Variants in C12orf42 observed in about 807,000 individuals in gnomAD.
C12orf42 encodes uncharacterized protein C12orf42.
Under a neutral mutation model 21.6 loss-of-function variants are expected in C12orf42, and 25 were observed. That is an observed-to-expected ratio of 1.16 (90% CI 0.84 to 1.62). The LOEUF is 1.62. Ranked by LOEUF, C12orf42 falls within the 40% of genes most tolerant of loss-of-function variation. C12orf42 has a pLI of 0.00. For missense variants in C12orf42, 483 were observed against 459.3 expected, an observed-to-expected ratio of 1.05 and a Z score of -0.47; for synonymous variants, 174 against 175.0, an observed-to-expected ratio of 0.99 and a Z score of 0.05.
the C12orf42 span, among the ~76,000 whole-genome samples, chr12:103,229,650 A>G: frequency 6.6e-6 from 1 of 152,134 alleles, no homozygotes. Flanking sequence ...TTCCTTCCAC[A>G]TTTTTATTTT....
chr12:103,127,723 A>G, the C12orf42 span, among the ~76,000 whole-genome samples: 18 of 152,276 alleles, frequency 1.2e-4, 1 homozygote, highest in South Asian at 3.7e-3. Flanking sequence ...TGCACAGGAC[A>G]CCTCCCTACG....
At chr12:103,217,196 A>G in the C12orf42 span, among the ~76,000 whole-genome samples, 3 of 152,080 alleles carry the variant, frequency 2.0e-5, no homozygotes, top group Non-Finnish European at 2.9e-5. Context: ...TCCAGAACAC[A>G]TTGAAGTGCT....
At chr12:103,473,541 G>A (rs376969250) in intron 2 of C12orf42, among the ~76,000 whole-genome samples, 1 of 152,168 alleles carries the variant, frequency 6.6e-6, no homozygotes, top group East Asian at 1.9e-4. Context: ...TGTGACAGGT[G>A]CAATTTCTGC....
At chr12:103,484,863 GTTTTTTTTTTTT>G (rs56025837) in intron 1 of C12orf42, among the ~76,000 whole-genome samples, 4 of 71,680 alleles carry the variant, frequency 5.6e-5, no homozygotes, top group Non-Finnish European at 7.9e-5. Flanking sequence ...TCTGGTTTCA[GTTTTTTTTTTTT>G]TTTTTTTTTT....
chr12:103,307,732 T>A (rs2038514381), intron 4 of C12orf42, among the ~76,000 whole-genome samples: 1 of 151,928 alleles, frequency 6.6e-6, no homozygotes, highest in African/African-American at 2.4e-5. Flanking sequence ...TACAACTAGA[T>A]GAATGGTAGA....
the C12orf42 span, among the ~76,000 whole-genome samples, chr12:103,157,490 A>G: frequency 2.0e-5 from 3 of 152,212 alleles, no homozygotes; most frequent in South Asian, 4.1e-4. Context: ...CCATTTGTCC[A>G]TTTTGGCTTT....
intron 3 of C12orf42, among the ~76,000 whole-genome samples, chr12:103,395,774 T>C (rs1357824075): frequency 1.3e-5 from 2 of 151,916 alleles, no homozygotes; most frequent in Non-Finnish European, 1.5e-5. Flanking sequence ...GACATCCCAC[T>C]GAATAACTGA....
chr12:103,235,044 A>G (rs1182925477), downstream of C12orf42, among the ~76,000 whole-genome samples: 1 of 152,200 alleles, frequency 6.6e-6, no homozygotes. Context: ...TTATTTAAAA[A>G]TTATTTTGAA....
intron 3 of C12orf42, among the ~76,000 whole-genome samples, chr12:103,372,602 A>C (rs2045352954): frequency 6.6e-6 from 1 of 152,066 alleles, no homozygotes; most frequent in South Asian, 2.1e-4. Flanking sequence ...CCAGCCCATC[A>C]CACTCTGACC....
the C12orf42 span, among the ~76,000 whole-genome samples, chr12:103,526,794 G>C: frequency 6.6e-6 from 1 of 152,174 alleles, no homozygotes; most frequent in Non-Finnish European, 1.5e-5. Context: ...GAATCAGCTG[G>C]CATTTCAATC....
chr12:103,265,043 G>A (rs146732133), downstream of C12orf42, among the ~76,000 whole-genome samples: 874 of 152,116 alleles, frequency 5.7e-3, 5 homozygotes, highest in African/African-American at 0.02. Flanking sequence ...CAGCATGGTC[G>A]GGTTCTAATA....
intron 2 of C12orf42, among the ~76,000 whole-genome samples, chr12:103,475,018 T>C (rs1953934996): frequency 6.6e-6 from 1 of 152,238 alleles, no homozygotes; most frequent in Non-Finnish European, 1.5e-5. Flanking sequence ...ATTTGAACTT[T>C]TGTGTGGCCT....
At chr12:103,425,366 G>C (rs1371136930) in intron 2 of C12orf42, among the ~76,000 whole-genome samples, 1 of 152,178 alleles carries the variant, frequency 6.6e-6, no homozygotes. Flanking sequence ...TCAAGTGGGT[G>C]CCTGCCCCCC....
chr12:103,350,009 G>C (rs895265700), intron 4 of C12orf42, among the ~76,000 whole-genome samples: 1 of 152,046 alleles, frequency 6.6e-6, no homozygotes, highest in East Asian at 1.9e-4. Context: ...TGTGGAAAGG[G>C]TTAAATGTAT....
chr12:103,298,684 T>C (rs994732326), downstream of C12orf42, among the ~76,000 whole-genome samples: 1 of 152,190 alleles, frequency 6.6e-6, no homozygotes, highest in African/African-American at 2.4e-5. Context: ...TTTATAGGAA[T>C]GCACCCTTGG....
chr12:103,560,771 T>C, the C12orf42 span, among the ~76,000 whole-genome samples: 3 of 152,212 alleles, frequency 2.0e-5, no homozygotes, highest in Non-Finnish European at 2.9e-5. Flanking sequence ...GACTCATCTT[T>C]ATGGGGGTGA....
the C12orf42 span, among the ~76,000 whole-genome samples, chr12:103,175,415 C>G: frequency 1.3e-5 from 2 of 152,164 alleles, no homozygotes; most frequent in East Asian, 3.9e-4. Flanking sequence ...GACAGTTGAA[C>G]AAGAAAATGT....
the C12orf42 span, among the ~76,000 whole-genome samples, chr12:103,194,861 T>C: frequency 2.0e-5 from 3 of 152,156 alleles, no homozygotes; most frequent in Non-Finnish European, 4.4e-5. Flanking sequence ...AATTGTGTAT[T>C]GGTGGGGTTT....
intron 4 of C12orf42, among the ~76,000 whole-genome samples, chr12:103,357,711 C>A (rs1322771819): frequency 6.6e-6 from 1 of 151,986 alleles, no homozygotes; most frequent in Non-Finnish European, 1.5e-5. Context: ...CAGTTTTAAC[C>A]CCTTTCATTG....
Sources: gnomAD v4.1 joint callset for allele counts (sites outside exome capture counted in the v4.1 genomes callset) on GRCh38, gnomAD v4.1.1 for gene constraint, MANE v1.5 for transcripts, NCBI Gene and HGNC (gene_info 2026-07-23, HGNC 2026-07-21) for gene names.